Variants in MMP26 observed in about 807,000 individuals in gnomAD.
MMP26 encodes the protein matrix metalloproteinase-26.
Under a neutral mutation model 31.0 loss-of-function variants are expected in MMP26, and 33 were observed. The ratio of observed to expected loss-of-function variants is 1.06; its 90% CI spans 0.81 to 1.42. MMP26 has a LOEUF of 1.42. Among genes scored for constraint, MMP26 ranks in the 40% most tolerant of loss-of-function variants. The probability of loss-of-function intolerance (pLI) is 0.00; values close to 1 mark genes in which losing one functional copy is unlikely to be tolerated. For missense variants in MMP26, 347 were observed against 316.1 expected, an observed-to-expected ratio of 1.10 and a Z score of -0.74; for synonymous variants, 122 against 114.9, an observed-to-expected ratio of 1.06 and a Z score of -0.40.
intron 1 of MMP26, chr11:4,710,315 A>G (rs966116759): frequency 6.6e-6 from 3 of 456,728 alleles, no homozygotes; most frequent in Non-Finnish European, 1.3e-5. Flanking sequence ...ACATCAGTGC[A>G]GTTGCCATCT....
intron 2 of MMP26, among the ~76,000 whole-genome samples, chr11:4,819,566 A>AGTTTTTTTTT (rs1849465614): frequency 2.0e-5 from 1 of 50,278 alleles, no homozygotes; most frequent in Non-Finnish European, 3.3e-5. Context: ...GAGTCGACTG[A>AGTTTTTTTTT]TTTTTTTTTT....
In MMP26 at chr11:4,910,260, C is replaced by G. The variant is rs150531920; in HGVS notation, c.-144-77808C>G. 7.2e-3 allele frequency among the ~76,000 whole-genome samples: 1,093 copies of G among 152,150 alleles called. 15 individuals carry two copies. Among genetic ancestry groups the G allele is most frequent in the African/African-American group, 0.024 (980 of 41,526 alleles). On this transcript the variant is annotated intron_variant, in intron 2 of 7. Coordinates refer to ENST00000380390, the MANE Select transcript of MMP26 (RefSeq NM_021801.5). ...CATTGCATCTTCCTGTGACTTTATTCTATAGTCTCATCTCTGACCATGGCC... is the reference window on the plus strand; with the variant it reads ...CATTGCATCTTCCTGTGACTTTATTGTATAGTCTCATCTCTGACCATGGCC...
At chr11:4,876,934 TG>T in intron 2 of MMP26, 1 of 156,134 alleles carries the variant, frequency 6.4e-6, no homozygotes. Context: ...GATCGCTTTG[TG>T]GCCATCCGCT....
At chr11:4,897,586 C>T (rs1433132367) in intron 2 of MMP26, among the ~76,000 whole-genome samples, 1 of 152,038 alleles carries the variant, frequency 6.6e-6, no homozygotes, top group East Asian at 1.9e-4. Context: ...TATTTTGAAA[C>T]TGTGAATCAA....
At chr11:4,835,196 T>C (rs1849700645) in intron 2 of MMP26, among the ~76,000 whole-genome samples, 1 of 119,448 alleles carries the variant, frequency 8.4e-6, no homozygotes, top group Admixed American at 8.3e-5. Flanking sequence ...TCTTCCTCTC[T>C]CTTTCTGACA....
chr11:4,753,438 C>G (rs1371145530), intron 1 of MMP26, among the ~76,000 whole-genome samples: 3 of 152,030 alleles, frequency 2.0e-5, no homozygotes, highest in African/African-American at 7.2e-5. Context: ...CTCTCTTGTA[C>G]TCTCATCATT....
At position 4,936,466 on chromosome 11, in the gene MMP26, G is replaced by T. The variant is rs1846114043; in HGVS notation, c.-144-51602G>T. On this transcript the variant is annotated intron_variant, in intron 2 of 7. Coordinates refer to ENST00000380390, the MANE Select transcript of MMP26 (RefSeq NM_021801.5). ...TATTGTGTCTATTTAATTCTTGAAA[G>T]ATTGATATTTAAGAGAAGTTTAAAA... Among the ~76,000 whole-genome samples the T allele has an allele frequency of 2.6e-5, 4 of 152,110 alleles. No homozygotes were observed. The South Asian group carries it at 8.3e-4, about 32-fold the overall frequency.
intron 1 of MMP26, chr11:4,711,414 G>A (rs1847860987): frequency 6.6e-6 from 1 of 152,178 alleles, no homozygotes; most frequent in South Asian, 2.1e-4. Flanking sequence ...TTGTTTTGCT[G>A]ACATATTCTT....
chr11:4,924,200 A>G (rs1317166020), intron 2 of MMP26: 3 of 1,614,202 alleles, frequency 1.9e-6, no homozygotes, highest in South Asian at 1.1e-5. Context: ...GACGTGGAGA[A>G]TGGTGAGGTT....
intron 2 of MMP26, among the ~76,000 whole-genome samples, chr11:4,784,041 T>A (rs1447176519): frequency 6.6e-6 from 1 of 152,226 alleles, no homozygotes; most frequent in African/African-American, 2.4e-5. Flanking sequence ...GACATTTTAT[T>A]GCTCACAACT....
chr11:4,860,046 G>A (rs1197965372), intron 2 of MMP26: 22 of 471,090 alleles, frequency 4.7e-5, no homozygotes, highest in Non-Finnish European at 9.7e-5. Context: ...ACAAGACATT[G>A]GAATGGCAGA....
Position 4,992,360 on chromosome 11 carries a change from C to A in MMP26, c.*118C>A. 1.1e-6 allele frequency: 1 copy of A among 950,524 alleles called. No individual in the cohort carries two copies. The highest frequency in any genetic ancestry group is 1.6e-5 in the South Asian group (1 of 62,244). 58.9% of individuals were successfully genotyped at this position (950,524 alleles called of 1,614,324 possible). A position where few individuals can be genotyped will look rare whatever the true frequency, so the allele number is the denominator to read the frequency against. ...TAGGATGAAGCCCTAAAGAATGCAA[C>A]CTAGTCAGGTTAGCTGAACCGACAC... On this transcript the variant is annotated 3_prime_UTR_variant, in exon 8 of 8. Transcript: ENST00000380390.
chr11:4,942,110 A>AAAAAAAAAAAAAAAAAAAAAAG (rs1846218904), intron 2 of MMP26, among the ~76,000 whole-genome samples: 2 of 138,590 alleles, frequency 1.4e-5, no homozygotes, highest in South Asian at 2.4e-4. Context: ...AAAAAAAAAA[A>AAAAAAAAAAAAAAAAAAAAAAG]GGAAGTAAAA....
chr11:4,772,530 A>G (rs1322085917), intron 2 of MMP26, among the ~76,000 whole-genome samples: 1 of 152,172 alleles, frequency 6.6e-6, no homozygotes, highest in Non-Finnish European at 1.5e-5. Context: ...TAAATGTGTC[A>G]GCTCCTGATA....
At chr11:4,915,046 A>T in intron 2 of MMP26, 1 of 1,614,106 alleles carries the variant, frequency 6.2e-7, no homozygotes, top group Non-Finnish European at 8.5e-7. Flanking sequence ...AGACGATGAC[A>T]AACATGCCGT....
chr11:4,990,783 C>T (rs375906786), intron 5 of MMP26, 37 bp downstream of exon 5: 3 of 1,606,546 alleles, frequency 1.9e-6, no homozygotes, highest in Non-Finnish European at 8.5e-7. Flanking sequence ...TATGTATATG[C>T]CCTGTGTAAA....
At chr11:4,860,359 G>T (rs114893730) in intron 2 of MMP26, 3 of 471,228 alleles carry the variant, frequency 6.4e-6, no homozygotes, top group Admixed American at 4.7e-5. Context: ...GTCAGTGAGA[G>T]CCAAGATAGA....
chr11:4,986,511 ATTTTTTTTTTTTTTTTTTTTTT>A (rs58016783), intron 2 of MMP26, among the ~76,000 whole-genome samples: 2 of 31,608 alleles, frequency 6.3e-5, no homozygotes, highest in Admixed American at 6.1e-4. Context: ...TGCCCAGTCG[ATTTTTTTTTTTTTTTTTTTTTT>A]TTTTTTTTTT....
intron 2 of MMP26, chr11:4,770,053 A>G (rs1453959235): frequency 5.0e-6 from 3 of 597,456 alleles, no homozygotes; most frequent in African/African-American, 1.9e-5. Context: ...TAAGATCTGC[A>G]TCATTGAGAA....
Sources: gnomAD v4.1 joint callset for allele counts (sites outside exome capture counted in the v4.1 genomes callset) on GRCh38, gnomAD v4.1.1 for gene constraint, MANE v1.5 for transcripts, NCBI Gene and HGNC (gene_info 2026-07-23, HGNC 2026-07-21) for gene names.